SLC43A2: variants seen among roughly 807,000 people sequenced by gnomAD.
The protein encoded by SLC43A2 is solute carrier family 43 member 2.
Under a neutral mutation model 63.2 loss-of-function variants are expected in SLC43A2, and 38 were observed. The observed-to-expected ratio is 0.60, with a 90% CI of 0.46 to 0.79. The LOEUF (loss-of-function observed/expected upper bound fraction) is 0.79, where lower values mean the gene tolerates loss of function less well. Among genes scored for constraint, SLC43A2 ranks in the 30% least tolerant of loss-of-function variants. The pLI is 0.00. For synonymous variants in SLC43A2, 322 were observed against 331.0 expected (o/e 0.97, Z 0.30); for missense variants, 644 against 756.2 (o/e 0.85, Z 1.74).
In SLC43A2 at chr17:1,591,566, G is replaced by A. The variant is rs965108045; in HGVS notation, c.728C>T (p.Ser243Leu). Residue 243 changes from serine (S) to leucine (L), a missense_variant and splice_region_variant, in exon 7 of 14, where the codon TCG becomes TTG. Physicochemically the swap from Ser to Leu is moderately radical, Grantham distance 145 (BLOSUM62 -2). Around this residue, in one of 3 missense-constraint regions of SLC43A2, gnomAD observed 528 missense variants for 623.6 expected, o/e 0.85. Transcript: ENST00000301335. ...PFPGPEDMDY[S>L]VKIKFSWLGF... ...GCGGGACGGGGGCACCTCTACTTAC[G>A]AGTAGTCCATGTCCTCCGGCCCCGG... 3.2e-6 allele frequency: 5 copies of A among 1,553,470 alleles called. No individual in the cohort carries two copies. Among genetic ancestry groups the A allele is most frequent in the Non-Finnish European group, 4.3e-6 (5 of 1,149,608 alleles).
intron 5 of SLC43A2, among the ~76,000 whole-genome samples, chr17:1,599,558 G>T (rs991306473): frequency 2.0e-5 from 3 of 151,504 alleles, no homozygotes; most frequent in Non-Finnish European, 4.4e-5. Flanking sequence ...AAAATTAGCT[G>T]GGCGTGGTGG....
At position 1,572,480 on chromosome 17, in the gene SLC43A2, T is replaced by C. The variant is rs2075861011; in HGVS notation, c.*3124A>G. On this transcript the variant is annotated 3_prime_UTR_variant, in exon 14 of 14. Coordinates refer to ENST00000301335, the MANE Select transcript of SLC43A2 (RefSeq NM_152346.3). ...CAGGTGTATATGATGATAGTATCTC[T>C]AGGCCTCGTTTTTCAGTTGTAAAGC... 1 of 152,272 alleles carries C rather than the reference T, an allele frequency of 6.6e-6. No homozygotes were observed. The highest frequency in any genetic ancestry group is 1.5e-5 in the Non-Finnish European group (1 of 68,072). The allele number at this position is 152,272 out of a possible 1,614,324, so 9.4% of individuals were successfully genotyped here.
chr17:1,627,394 G>A (rs185010955), intron 2 of SLC43A2, among the ~76,000 whole-genome samples: 57 of 152,294 alleles, frequency 3.7e-4, no homozygotes, highest in Non-Finnish European at 5.9e-4. Flanking sequence ...CCAGGGCTGG[G>A]AGGAGAGGAG....
chr17:1,611,429 G>C (rs976874428), intron 5 of SLC43A2, among the ~76,000 whole-genome samples: 1 of 152,078 alleles, frequency 6.6e-6, no homozygotes, highest in Non-Finnish European at 1.5e-5. Context: ...GAGATCAGGG[G>C]TATGAGACCA....
chr17:1,577,031 A>T lies in SLC43A2; in HGVS notation c.1425-311T>A, dbSNP rs1269467622. The stretch of plus-strand genomic sequence containing the variant: ...AGGCGCCCGCCACCACATCTGGCTA[A>T]TTTTTTGTATTTTTAGTAGAGACGG... On this transcript the variant is annotated intron_variant, in intron 12 of 13. Transcript: ENST00000301335. This position sits in a 1 kb window ranked among gnomAD's most constrained non-coding sequence, Gnocchi z 4.9. Among the ~76,000 whole-genome samples, 1 of 151,788 alleles carries T rather than the reference A, an allele frequency of 6.6e-6. No homozygotes were observed. The highest frequency in any genetic ancestry group is 2.4e-5 in the African/African-American group (1 of 41,294).
intron 2 of SLC43A2, among the ~76,000 whole-genome samples, chr17:1,623,102 G>A (rs1234459163): frequency 6.6e-6 from 1 of 152,108 alleles, no homozygotes; most frequent in East Asian, 1.9e-4. Context: ...GTGAAACTCC[G>A]TTCCCTCCTC....
rs889117612 is a variant in SLC43A2, at chr17:1,571,846, C to G, written c.*3758G>C. ...GTTTGGAGAAGGCCGACCACAAAGACACGCCTAGACCCCAGAGTCTAGTGA... is the reference window on the plus strand; with the variant it reads ...GTTTGGAGAAGGCCGACCACAAAGAGACGCCTAGACCCCAGAGTCTAGTGA... On this transcript the variant is annotated 3_prime_UTR_variant, in exon 14 of 14. Transcript: ENST00000301335. This position sits in a 1 kb window ranked among gnomAD's most constrained non-coding sequence, Gnocchi z 5.2. 1 of 152,292 alleles carries G rather than the reference C, an allele frequency of 6.6e-6. No individual in the cohort carries two copies. The highest frequency in any genetic ancestry group is 2.1e-4 in the South Asian group (1 of 4,830). The allele number at this position is 152,292 out of a possible 1,614,324, so 9.4% of individuals were successfully genotyped here. A position where few individuals can be genotyped will look rare whatever the true frequency, so the allele number is the denominator to read the frequency against.
At position 1,590,814 on chromosome 17, in the gene SLC43A2, C is replaced by T. The variant is rs1243497932; in HGVS notation, c.1066G>A (p.Asp356Asn). 4.5e-6 allele frequency: 7 copies of T among 1,554,684 alleles called. No individual in the cohort carries two copies. Among genetic ancestry groups the T allele is most frequent in the African/African-American group, 2.7e-5 (2 of 73,686 alleles). The change falls in exon 9 of 14, where the codon GAC (aspartate) becomes AAC (asparagine). Residue 356 changes from aspartate to asparagine, a missense_variant. By Grantham distance (23) the Asp-to-Asn change is conservative. Coordinates refer to ENST00000301335, the MANE Select transcript of SLC43A2 (RefSeq NM_152346.3). ...CCGGGGCACCTACCTGTCTTCTGGT[C>T]GCCGCTGACCAGGAACTTGAGGATG... ...NNILKFLVSG[D>N]QKTVGLYTSI... is the part of the protein sequence containing the mutation.
At chr17:1,596,506 G>A (rs1027775600) in intron 5 of SLC43A2, among the ~76,000 whole-genome samples, 1 of 152,160 alleles carries the variant, frequency 6.6e-6, no homozygotes, top group South Asian at 2.1e-4. Context: ...TATAAACATA[G>A]TGCCCAACAG....
At chr17:1,626,540 C>T (rs1481850935) in intron 2 of SLC43A2, among the ~76,000 whole-genome samples, 1 of 152,144 alleles carries the variant, frequency 6.6e-6, no homozygotes, top group Non-Finnish European at 1.5e-5. Flanking sequence ...CTTTCTCCTG[C>T]CCTGAACCTC....
chr17:1,604,919 G>T, intron 5 of SLC43A2: 2 of 1,528,046 alleles, frequency 1.3e-6, no homozygotes, highest in Middle Eastern at 1.7e-4. Context: ...GCGCATAATG[G>T]CTGTTCGAAG....
At chr17:1,581,067 G>A (rs1224865481) in intron 11 of SLC43A2, among the ~76,000 whole-genome samples, 2 of 152,230 alleles carry the variant, frequency 1.3e-5, no homozygotes, top group South Asian at 2.1e-4. Flanking sequence ...TGGCCACCAG[G>A]TCCCTGTGGT....
rs1218538298 is a variant in SLC43A2 at position 1,574,918 on chromosome 17, G to A, written c.*686C>T. 6.5e-6 allele frequency: 1 copy of A among 153,216 alleles called. No individual in the cohort carries two copies. Among genetic ancestry groups the A allele is most frequent in the Non-Finnish European group, 1.5e-5 (1 of 68,626 alleles). 9.5% of individuals were successfully genotyped at this position (153,216 alleles called of 1,614,324 possible). ...CCCTTCAGGTGGCAGACAGAACGAG[G>A]GTGACAGTGAAAACGTGTCCGCGGC... is the stretch of plus-strand genomic sequence containing the variant. On this transcript the variant is annotated 3_prime_UTR_variant, in exon 14 of 14. Coordinates refer to ENST00000301335, the MANE Select transcript of SLC43A2 (RefSeq NM_152346.3).
At chr17:1,584,415 C>T (rs955374560) in intron 10 of SLC43A2, among the ~76,000 whole-genome samples, 6 of 152,118 alleles carry the variant, frequency 3.9e-5, no homozygotes, top group East Asian at 1.9e-4. Context: ...GTCCCCACTT[C>T]GCCAGGGTGC....
At chr17:1,599,562 G>T (rs867632261) in intron 5 of SLC43A2, among the ~76,000 whole-genome samples, 1 of 151,752 alleles carries the variant, frequency 6.6e-6, no homozygotes, top group Admixed American at 6.6e-5. Flanking sequence ...TTAGCTGGGC[G>T]TGGTGGCAGG....
chr17:1,616,177 G>A (rs1907644992), intron 3 of SLC43A2, among the ~76,000 whole-genome samples: 1 of 151,998 alleles, frequency 6.6e-6, no homozygotes, highest in Non-Finnish European at 1.5e-5. Flanking sequence ...AACCAGTGTT[G>A]TTGGTTTTTT....
chr17:1,614,486 A>G (rs1907413083), intron 4 of SLC43A2, among the ~76,000 whole-genome samples: 1 of 152,230 alleles, frequency 6.6e-6, no homozygotes. Context: ...AACCAAAAAT[A>G]CAGGTTCCTG....
chr17:1,613,841 A>T (rs1907344452), intron 4 of SLC43A2, among the ~76,000 whole-genome samples: 1 of 152,178 alleles, frequency 6.6e-6, no homozygotes, highest in Non-Finnish European at 1.5e-5. Context: ...ACTCACACCT[A>T]GAATCCCAAC....
chr17:1,603,230 G>A (rs937900461), intron 5 of SLC43A2: 2 of 152,082 alleles, frequency 1.3e-5, no homozygotes, highest in Non-Finnish European at 2.9e-5. Context: ...AAAGGAAGCC[G>A]ACTACAGGAT....
Sources: allele counts gnomAD v4.1 joint callset (sites outside exome capture counted in the v4.1 genomes callset), GRCh38; gene constraint gnomAD v4.1.1; regional missense constraint gnomAD v4.1.1; non-coding constraint Gnocchi (gnomAD v3.1); transcripts MANE v1.5; gene names NCBI Gene and HGNC (gene_info 2026-07-23, HGNC 2026-07-21).